Variants in FOLH1 observed in about 807,000 individuals in gnomAD.
FOLH1 encodes the protein glutamate carboxypeptidase 2.
FOLH1 carries 54 observed loss-of-function variants against 93.9 expected under a neutral mutation model. The ratio of observed to expected loss-of-function variants is 0.57; its 90% CI spans 0.46 to 0.72. The LOEUF (loss-of-function observed/expected upper bound fraction) is 0.72, where lower values mean the gene tolerates loss of function less well. Among genes scored for constraint, FOLH1 ranks in the 30% least tolerant of loss-of-function variants. The pLI is 0.00. For synonymous variants in FOLH1, 249 were observed against 303.6 expected (o/e 0.82, Z 1.87); for missense variants, 571 against 892.5 (o/e 0.64, Z 4.59).
At chr11:49,191,919 C>G (rs1024339774) in intron 4 of FOLH1, among the ~76,000 whole-genome samples, 1 of 152,162 alleles carries the variant, frequency 6.6e-6, no homozygotes, top group African/African-American at 2.4e-5. Flanking sequence ...AGGCTGATCT[C>G]GAACTCCTGA....
At chr11:49,152,278 T>G (rs2134874600) in intron 17 of FOLH1, among the ~76,000 whole-genome samples, 1 of 152,218 alleles carries the variant, frequency 6.6e-6, no homozygotes, top group South Asian at 2.1e-4. Context: ...TGAGACTTTT[T>G]CCTAAGAAAT....
chr11:49,146,321 T>G lies in FOLH1; in HGVS notation c.*435A>C, dbSNP rs754167349. Among the ~76,000 whole-genome samples the G allele has an allele frequency of 8.5e-5, 13 of 152,226 alleles. No homozygotes were observed. The highest frequency in any genetic ancestry group is 2.0e-4 in the Admixed American group (3 of 15,282). Reference sequence around the variant, plus strand: ...CCATTTCCCAAATAGTGTGCTGAGATAGTGATCCTCTCAGCCCAGGCTGGC... The same window carrying G: ...CCATTTCCCAAATAGTGTGCTGAGAGAGTGATCCTCTCAGCCCAGGCTGGC... On this transcript the variant is annotated 3_prime_UTR_variant, in exon 19 of 19. Transcript: ENST00000256999.
chr11:49,146,199 C>T lies in FOLH1; in HGVS notation c.*557G>A, dbSNP rs1000636387. On this transcript the variant is annotated 3_prime_UTR_variant, in exon 19 of 19. Coordinates refer to ENST00000256999, the MANE Select transcript of FOLH1 (RefSeq NM_004476.3). Reference sequence around the variant, plus strand: ...AGGTTCACAAGTGTTCATTTAATTACTATACATATATTTTATACTATAGCC... The same window carrying T: ...AGGTTCACAAGTGTTCATTTAATTATTATACATATATTTTATACTATAGCC... 6.6e-6 allele frequency among the ~76,000 whole-genome samples: 1 copy of T among 152,118 alleles called. No individual in the cohort carries two copies. The highest frequency in any genetic ancestry group is 1.5e-5 in the Non-Finnish European group (1 of 68,022).
chr11:49,160,100 T>G (rs1857524378), intron 13 of FOLH1, among the ~76,000 whole-genome samples: 1 of 151,848 alleles, frequency 6.6e-6, no homozygotes, highest in Admixed American at 6.6e-5. Flanking sequence ...TTCTAGATTC[T>G]TTAGTTTATG....
intron 2 of FOLH1, among the ~76,000 whole-genome samples, 182 bp downstream of exon 2, chr11:49,205,885 C>T (rs1312167265): frequency 6.6e-6 from 1 of 152,184 alleles, no homozygotes; most frequent in African/African-American, 2.4e-5. Context: ...CTGCTCTAAA[C>T]CTCTGTAATG....
chr11:49,184,802 A>G (rs1590619040), intron 6 of FOLH1, among the ~76,000 whole-genome samples: 1 of 152,370 alleles, frequency 6.6e-6, no homozygotes, highest in Non-Finnish European at 1.5e-5. Context: ...AGATTTTTGT[A>G]AACATCATTA....
intron 2 of FOLH1, among the ~76,000 whole-genome samples, chr11:49,201,255 G>GATATATATATATATATATATAT (rs35326986): frequency 2.7e-4 from 38 of 139,842 alleles, no homozygotes; most frequent in African/African-American, 9.4e-4. Context: ...AGCATGAAAA[G>GATATATATATATATATATATAT]ATATATATAT....
rs781554951 is a variant in FOLH1, at chr11:49,208,354, C to T, written c.56G>A (p.Arg19His). 1.2e-6 allele frequency: 2 copies of T among 1,600,742 alleles called. No homozygotes were observed. Among genetic ancestry groups the T allele is most frequent in the South Asian group, 1.1e-5 (1 of 89,570 alleles). The change falls in exon 1 of 19, where the codon CGC becomes CAC. Residue 19 changes from arginine to histidine, a missense_variant. This residue lies in a region of FOLH1 where 71 missense variants were observed against 69.6 expected (regional missense o/e 1.02). Transcript: ENST00000256999. Reference protein sequence around the residue: ...DSAVATARRPRWLCAGALVLA... With the variant: ...DSAVATARRPHWLCAGALVLA... Reference sequence around the variant, plus strand: ...CACCAGCGCCCCAGCGCACAGCCAGCGCGGGCGGCGCGCGGTGGCCACAGC... The same window carrying T: ...CACCAGCGCCCCAGCGCACAGCCAGTGCGGGCGGCGCGCGGTGGCCACAGC...
Position 49,183,125 on chromosome 11 carries a change from A to G in FOLH1, c.920+24T>C, listed in dbSNP as rs376015944. 35 of 1,567,800 alleles carry G rather than the reference A, an allele frequency of 2.2e-5. No homozygotes were observed. The African/African-American group carries it at 4.1e-4, about 18-fold the overall frequency. On this transcript the variant is annotated intron_variant, in intron 7 of 18. Coordinates refer to ENST00000256999, the MANE Select transcript of FOLH1 (RefSeq NM_004476.3). ...CAATAAGAAAATTACCCAAATAGCCATCCATGGTTTCTTACAAACTTACTC... is the reference window on the plus strand; with the variant it reads ...CAATAAGAAAATTACCCAAATAGCCGTCCATGGTTTCTTACAAACTTACTC...
rs775268651 is a variant in FOLH1 at position 49,173,385 on chromosome 11, C to T, written c.1197G>A (p.Val399=). 5 of 1,611,208 alleles carry T rather than the reference C, an allele frequency of 3.1e-6. No homozygotes were observed. In the African/African-American group the frequency reaches 5.4e-5, roughly 17 times the overall value. ...CCTTTTTCAGTGTTCCAAAGCTCCT[C>T]ACAATTTCATGAACAACAGCTGCTC... ...QSGAAVVHEI[V]RSFGTLKKEG... is the part of the protein sequence containing the mutation. Residue 399 remains valine, a synonymous_variant, in exon 10 of 19, where the codon GTG becomes GTA. Coordinates refer to ENST00000256999, the MANE Select transcript of FOLH1 (RefSeq NM_004476.3).
chr11:49,202,689 C>T (rs854990), intron 2 of FOLH1, among the ~76,000 whole-genome samples: 54,309 of 151,932 alleles, frequency 0.36, 10,727 homozygotes, highest in African/African-American at 0.54. Context: ...GTTTCTGTTT[C>T]AGTACATTTC....
intron 6 of FOLH1, among the ~76,000 whole-genome samples, chr11:49,184,764 C>T (rs1861181691): frequency 6.6e-6 from 1 of 152,150 alleles, no homozygotes; most frequent in African/African-American, 2.4e-5. Context: ...ATTTAGTTAG[C>T]TTTAAACCAC....
chr11:49,172,064 A>G (rs754229224), intron 10 of FOLH1, among the ~76,000 whole-genome samples: 2 of 152,178 alleles, frequency 1.3e-5, no homozygotes, highest in African/African-American at 2.4e-5. Flanking sequence ...TCATCATCTT[A>G]GTAAATATTC....
At chr11:49,151,049 C>T (rs1856457650) in intron 17 of FOLH1, among the ~76,000 whole-genome samples, 2 of 152,104 alleles carry the variant, frequency 1.3e-5, no homozygotes, top group Non-Finnish European at 2.9e-5. Flanking sequence ...AACAAAGGAT[C>T]ATGAGTTAAA....
rs552308391 is a variant in FOLH1, at chr11:49,192,708, T to A, written c.513+85A>T. 638 of 1,175,972 alleles carry A rather than the reference T, an allele frequency of 5.4e-4. 1 individual carries two copies. Among genetic ancestry groups the A allele is most frequent in the Non-Finnish European group, 6.7e-4 (566 of 845,358 alleles). The allele number at this position is 1,175,972 out of a possible 1,614,324, so 72.8% of individuals were successfully genotyped here. On this transcript the variant is annotated intron_variant, in intron 4 of 18. Coordinates refer to ENST00000256999, the MANE Select transcript of FOLH1 (RefSeq NM_004476.3). ...GAATTGGATTACATTAAAAGTCCCT[T>A]TATGACCCTTTAATTATCGGCTGAA... is the stretch of plus-strand genomic sequence containing the variant.
At chr11:49,181,494 C>T (rs1860732949) in intron 7 of FOLH1, among the ~76,000 whole-genome samples, 1 of 151,832 alleles carries the variant, frequency 6.6e-6, no homozygotes. Context: ...ATAATATAAG[C>T]ATTTTTCTAT....
chr11:49,169,267 A>T lies in FOLH1; in HGVS notation c.1309-9T>A. The T allele has an allele frequency of 6.2e-7, 1 of 1,612,006 alleles. No homozygotes were observed. Among genetic ancestry groups the T allele is most frequent in the Non-Finnish European group, 8.5e-7 (1 of 1,178,420 alleles). Reference sequence around the variant, plus strand: ...AGGAGTCTTGAATTCTCCTATAATAAAAAGGAAAACTATAAATATAAAGTT... The same window carrying T: ...AGGAGTCTTGAATTCTCCTATAATATAAAGGAAAACTATAAATATAAAGTT... On this transcript the variant is annotated splice_polypyrimidine_tract_variant and intron_variant, in intron 11 of 18. Coordinates refer to ENST00000256999, the MANE Select transcript of FOLH1 (RefSeq NM_004476.3).
At chr11:49,158,852 T>C (rs1166307078) in intron 13 of FOLH1, among the ~76,000 whole-genome samples, 1 of 152,148 alleles carries the variant, frequency 6.6e-6, no homozygotes, top group African/African-American at 2.4e-5. Context: ...TTTCACCTCC[T>C]GAGTTAGCTG....
At chr11:49,199,233 G>A (rs554655879) in intron 3 of FOLH1, among the ~76,000 whole-genome samples, 70 of 152,176 alleles carry the variant, frequency 4.6e-4, no homozygotes, top group Admixed American at 2.9e-3. Flanking sequence ...AAATAGAAAT[G>A]GACTCTTCTA....
Sources: gnomAD v4.1 joint callset for allele counts (sites outside exome capture counted in the v4.1 genomes callset) on GRCh38, gnomAD v4.1.1 for gene constraint, gnomAD v4.1.1 regional missense constraint, MANE v1.5 for transcripts, NCBI Gene and HGNC (gene_info 2026-07-23, HGNC 2026-07-21) for gene names.